Variants in CDK7 observed in about 807,000 individuals in gnomAD.
CDK7 encodes cyclin-dependent kinase 7.
CDK7 carries 25 observed loss-of-function variants against 49.1 expected under a neutral mutation model. That is an observed-to-expected ratio of 0.51 (90% CI 0.37 to 0.71). The LOEUF (loss-of-function observed/expected upper bound fraction) is 0.71. Among genes scored for constraint, CDK7 ranks in the 30% least tolerant of loss-of-function variants. The pLI is 0.00. For synonymous variants in CDK7, 107 were observed against 140.0 expected, an observed-to-expected ratio of 0.76 and a Z score of 1.67; for missense variants, 316 against 411.7, an observed-to-expected ratio of 0.77 and a Z score of 2.01.
At chr5:69,247,434 T>G (rs1028361500) in intron 2 of CDK7, among the ~76,000 whole-genome samples, 34 of 152,150 alleles carry the variant, frequency 2.2e-4, no homozygotes, top group African/African-American at 6.3e-4. Context: ...GTGAATATCT[T>G]TTTTCCATGT....
rs878962541 is a variant in CDK7, at chr5:69,252,524, T to TA, written c.160+78dup. 724 of 539,582 alleles carry TA rather than the reference T, an allele frequency of 1.3e-3. 70 individuals carry two copies. Among genetic ancestry groups the TA allele is most frequent in the Admixed American group, 2.6e-3 (59 of 22,368 alleles). The allele number at this position is 539,582 out of a possible 1,614,324, so 33.4% of individuals were successfully genotyped here. On this transcript the variant is annotated intron_variant, in intron 3 of 11. Transcript: ENST00000256443. ...TTTTTTTTTTTTTTTTTTTTTTTTT[T>TA]AAAAAGACAGGGTCTTGCTCTGTCA...
chr5:69,272,520 G>A (rs1041840462), intron 9 of CDK7, among the ~76,000 whole-genome samples: 2 of 151,992 alleles, frequency 1.3e-5, no homozygotes, highest in Admixed American at 6.6e-5. Flanking sequence ...ATGTGAACAC[G>A]ATATGTTTCA....
At chr5:69,255,755 C>T in intron 5 of CDK7, 3 of 537,104 alleles carry the variant, frequency 5.6e-6, no homozygotes, top group South Asian at 2.1e-5. Context: ...GGCATTTCTG[C>T]CTTCTAAGTT....
rs774953043 is a variant in CDK7 at position 69,276,686 on chromosome 5, A to G, written c.1008A>G (p.Glu336=). ...AIKRKRTEAL[E]QGGLPKKLIF is the part of the protein sequence containing the mutation. ...AAAGGAAAAGAACAGAGGCCTTAGAACAAGGTAAGATTCCCACTTTTAAAA... is the reference window on the plus strand; with the variant it reads ...AAAGGAAAAGAACAGAGGCCTTAGAGCAAGGTAAGATTCCCACTTTTAAAA... Residue 336 remains glutamate, a synonymous_variant, in exon 11 of 12, where the codon GAA becomes GAG. Transcript: ENST00000256443. 8.7e-6 allele frequency: 14 copies of G among 1,612,328 alleles called. No homozygotes were observed. In the Admixed American group the frequency reaches 2.4e-4, roughly 27 times the overall value.
At chr5:69,235,737 T>C (rs1359563144) in intron 2 of CDK7, among the ~76,000 whole-genome samples, 1 of 152,228 alleles carries the variant, frequency 6.6e-6, no homozygotes. Context: ...CTCAGAACTA[T>C]TGGATACCAT....
At chr5:69,243,503 T>A (rs2150187432) in intron 2 of CDK7, among the ~76,000 whole-genome samples, 1 of 152,122 alleles carries the variant, frequency 6.6e-6, no homozygotes, top group Non-Finnish European at 1.5e-5. Flanking sequence ...TCTGTGTGTC[T>A]GTTTTTATGC....
intron 7 of CDK7, 134 bp from the exon 8 acceptor site, chr5:69,262,071 G>T: frequency 1.0e-6 from 1 of 975,498 alleles, no homozygotes; most frequent in Admixed American, 2.4e-5. Context: ...CTTCATGAAA[G>T]AGTATGGTAT....
chr5:69,264,967 G>A (rs1436648681), intron 8 of CDK7, among the ~76,000 whole-genome samples: 26 of 138,456 alleles, frequency 1.9e-4, no homozygotes, highest in African/African-American at 4.4e-4. Flanking sequence ...GTGAAATTCC[G>A]TCTAAAAAAA....
chr5:69,256,582 C>T (rs941378772), intron 5 of CDK7, among the ~76,000 whole-genome samples: 1 of 152,084 alleles, frequency 6.6e-6, no homozygotes, highest in African/African-American at 2.4e-5. Flanking sequence ...CTCTGGCGAT[C>T]TACCTGCCTG....
intron 2 of CDK7, among the ~76,000 whole-genome samples, chr5:69,236,708 A>G (rs929622457): frequency 6.6e-6 from 1 of 150,844 alleles, no homozygotes; most frequent in Admixed American, 6.6e-5. Flanking sequence ...CTGGAGTGCA[A>G]TTGTGCGATT....
At chr5:69,248,802 C>CTTTTTTTTTTTTTTTTTTTTT (rs70992911) in intron 2 of CDK7, among the ~76,000 whole-genome samples, 12 of 92,260 alleles carry the variant, frequency 1.3e-4, no homozygotes, top group South Asian at 4.2e-4. Context: ...TTTTTTTTTT[C>CTTTTTTTTTTTTTTTTTTTTT]TTTTTTTTTT....
chr5:69,235,076 G>A (rs764047330), intron 1 of CDK7, 35 bp downstream of exon 1: 12 of 1,568,638 alleles, frequency 7.6e-6, no homozygotes, highest in Non-Finnish European at 8.7e-6. Flanking sequence ...AGGGCCCCAA[G>A]CGGACAGCCC....
intron 7 of CDK7, among the ~76,000 whole-genome samples, chr5:69,261,516 G>GTGTA (rs1285393780): frequency 7.0e-6 from 1 of 143,114 alleles, no homozygotes; most frequent in Non-Finnish European, 1.6e-5. Context: ...GTGTGTGTGT[G>GTGTA]TGTGTGTGTA....
upstream of CDK7, chr5:69,234,878 T>C: frequency 1.7e-6 from 2 of 1,200,906 alleles, no homozygotes; most frequent in Non-Finnish European, 2.4e-6. Context: ...CGGAGCCCGG[T>C]GGACGGAAGT....
chr5:69,263,107 A>G (rs1273420929), intron 8 of CDK7, among the ~76,000 whole-genome samples: 3 of 152,214 alleles, frequency 2.0e-5, no homozygotes, highest in Non-Finnish European at 4.4e-5. Context: ...ATCATCTTAC[A>G]GTAAAAAAAA....
intron 8 of CDK7, 59 bp downstream of exon 8, chr5:69,262,363 G>A (rs1166440429): frequency 1.2e-6 from 2 of 1,610,436 alleles, no homozygotes; most frequent in African/African-American, 1.3e-5. Context: ...TGTTCTGACA[G>A]TTTGTATAAG....
At chr5:69,269,355 A>G (rs1751374597) in intron 9 of CDK7, 62 bp downstream of exon 9, 3 of 1,062,942 alleles carry the variant, frequency 2.8e-6, no homozygotes, top group African/African-American at 1.6e-5. Flanking sequence ...TTAAACTGTC[A>G]TATACTTTAT....
chr5:69,241,105 A>G (rs1351733910), intron 2 of CDK7, among the ~76,000 whole-genome samples: 27 of 152,148 alleles, frequency 1.8e-4, no homozygotes, highest in Admixed American at 1.8e-3. Context: ...ATACATAGCA[A>G]TGGAATTGCT....
In CDK7 at chr5:69,234,973, C is replaced by A; in HGVS notation, c.-3C>A. ...CGGCTGGAGTCGGGCTTTACGGCGC[C>A]GGATGGCTCTGGACGTGAAGTCTCG... On this transcript the variant is annotated 5_prime_UTR_variant, in exon 1 of 12. Transcript: ENST00000256443. The A allele has an allele frequency of 6.3e-7, 1 of 1,593,354 alleles. No homozygotes were observed. Among genetic ancestry groups the A allele is most frequent in the Non-Finnish European group, 8.5e-7 (1 of 1,170,270 alleles).
Sources: allele counts gnomAD v4.1 joint callset (sites outside exome capture counted in the v4.1 genomes callset), GRCh38; gene constraint gnomAD v4.1.1; transcripts MANE v1.5; gene names NCBI Gene and HGNC (gene_info 2026-07-23, HGNC 2026-07-21).